Variants in NTM observed in about 807,000 individuals in gnomAD.
NTM encodes the protein IgLON family member 2.
NTM carries 13 observed loss-of-function variants against 42.1 expected under a neutral mutation model. The observed-to-expected ratio is 0.31, with a 90% CI of 0.20 to 0.49. The LOEUF is 0.49. NTM is among the 20% of genes least tolerant of loss of function. The probability of loss-of-function intolerance (pLI) is 0.99; values close to 1 mark genes in which losing one functional copy is unlikely to be tolerated. For missense variants in NTM, 373 were observed against 452.8 expected (o/e 0.82, Z 1.60); for synonymous variants, 187 against 179.2 (o/e 1.04, Z -0.35).
At position 132,003,705 on chromosome 11, in the gene NTM, G is replaced by A. The variant is rs545559230; in HGVS notation, c.167+92057G>A. ...GTAGCTCAATCACATGTCCCACATG[G>A]AGCCCACTCTTTCCCATGGTACAAA... On this transcript the variant is annotated intron_variant, in intron 2 of 8. Coordinates refer to ENST00000683400, the MANE Select transcript of NTM (RefSeq NM_001352005.2). This position sits in a 1 kb window ranked among gnomAD's most constrained non-coding sequence, Gnocchi z 6.0. Among the ~76,000 whole-genome samples the A allele has an allele frequency of 6.6e-6, 1 of 151,402 alleles. No individual in the cohort carries two copies. Among genetic ancestry groups the A allele is most frequent in the African/African-American group, 2.4e-5 (1 of 41,170 alleles).
chr11:131,481,721 T>A (rs967567835), intron 1 of NTM, among the ~76,000 whole-genome samples: 1 of 152,180 alleles, frequency 6.6e-6, no homozygotes, highest in Non-Finnish European at 1.5e-5. Flanking sequence ...GGCCTCCCCT[T>A]ACCATCACTA....
chr11:132,069,799 G>GT (rs1404632493), intron 2 of NTM, among the ~76,000 whole-genome samples: 1 of 138,334 alleles, frequency 7.2e-6, no homozygotes, highest in Non-Finnish European at 1.5e-5. Flanking sequence ...TAGTTAACAC[G>GT]TCACACAGCC....
At chr11:131,699,494 T>C (rs1247954019) in intron 1 of NTM, among the ~76,000 whole-genome samples, 1 of 152,150 alleles carries the variant, frequency 6.6e-6, no homozygotes, top group Non-Finnish European at 1.5e-5. Flanking sequence ...AGGACATTCA[T>C]ATAGAGCCTG....
At chr11:131,749,475 A>AT (rs1486644828) in intron 1 of NTM, among the ~76,000 whole-genome samples, 2 of 152,094 alleles carry the variant, frequency 1.3e-5, no homozygotes. Flanking sequence ...GCAAATCATT[A>AT]TTTTTCTTTT....
chr11:132,206,562 G>T (rs1156273090), intron 3 of NTM, among the ~76,000 whole-genome samples: 1 of 152,182 alleles, frequency 6.6e-6, no homozygotes, highest in Non-Finnish European at 1.5e-5. Flanking sequence ...TAAATGTGGA[G>T]AGCAAGACAC....
At position 131,401,820 on chromosome 11, in the gene NTM, A is replaced by ATATATGTG. The variant is rs1336974293; in HGVS notation, c.82+30937_82+30938insGTGTATAT. Among the ~76,000 whole-genome samples, 6 of 49,914 alleles carry ATATATGTG rather than the reference A, an allele frequency of 1.2e-4. No individual in the cohort carries two copies. The East Asian group carries it at 1.7e-3, about 14-fold the overall frequency. The allele number at this position is 49,914 out of a possible 152,430, so 32.7% of individuals were successfully genotyped here. On this transcript the variant is annotated intron_variant, in intron 1 of 8. Coordinates refer to ENST00000683400, the MANE Select transcript of NTM (RefSeq NM_001352005.2). Reference sequence around the variant, plus strand: ...TGGAAATATATATATATATATATATATATATATATATATATATATATATAT... The same window carrying ATATATGTG: ...TGGAAATATATATATATATATATATATATATGTGTATATATATATATATATATATATAT...
intron 1 of NTM, among the ~76,000 whole-genome samples, chr11:131,617,686 G>A (rs1040731982): frequency 1.3e-5 from 2 of 152,186 alleles, no homozygotes; most frequent in East Asian, 1.9e-4. Context: ...TGGCAATATA[G>A]GGGCTCGTGT....
intron 2 of NTM, among the ~76,000 whole-genome samples, chr11:131,995,405 G>A (rs929605405): frequency 6.6e-6 from 1 of 152,096 alleles, no homozygotes; most frequent in African/African-American, 2.4e-5. Context: ...GAAGGACCTG[G>A]AGGGATGGAA....
At chr11:131,760,925 T>C (rs1050176290) in intron 1 of NTM, among the ~76,000 whole-genome samples, 2 of 152,202 alleles carry the variant, frequency 1.3e-5, no homozygotes, top group Admixed American at 1.3e-4. Flanking sequence ...TCTTCCTTTC[T>C]GGGGCTCTAG....
At chr11:132,263,995 C>A (rs892856947) in intron 4 of NTM, among the ~76,000 whole-genome samples, 3 of 152,260 alleles carry the variant, frequency 2.0e-5, no homozygotes, top group African/African-American at 2.4e-5. Flanking sequence ...ACCAGAATTG[C>A]CTTTAGTAGT....
At chr11:131,486,454 C>T (rs1465417975) in intron 1 of NTM, among the ~76,000 whole-genome samples, 4 of 152,194 alleles carry the variant, frequency 2.6e-5, no homozygotes, top group African/African-American at 4.8e-5. Flanking sequence ...ATCTCCTTTC[C>T]CAGCAGTGAG....
chr11:132,183,718 T>G (rs556183405), intron 3 of NTM, among the ~76,000 whole-genome samples: 1 of 152,262 alleles, frequency 6.6e-6, no homozygotes, highest in East Asian at 1.9e-4. Context: ...CTCCAAAAAG[T>G]AAAGTGTGGA....
intron 2 of NTM, among the ~76,000 whole-genome samples, chr11:132,113,298 C>T (rs895678212): frequency 6.6e-6 from 1 of 152,150 alleles, no homozygotes; most frequent in African/African-American, 2.4e-5. Context: ...GAATCATATC[C>T]ACGGTTGTAA....
chr11:131,537,339 T>C (rs2052425045), intron 1 of NTM: 1 of 152,158 alleles, frequency 6.6e-6, no homozygotes, highest in Non-Finnish European at 1.5e-5. Flanking sequence ...GGCAGTAACA[T>C]AGACCTGACT....
At chr11:131,696,263 G>T (rs528242983) in intron 1 of NTM, among the ~76,000 whole-genome samples, 1 of 152,302 alleles carries the variant, frequency 6.6e-6, no homozygotes, top group East Asian at 1.9e-4. Flanking sequence ...CGCACCCGGG[G>T]AGGCCAGCAG....
chr11:131,578,592 T>C (rs899924775), intron 1 of NTM, among the ~76,000 whole-genome samples: 7 of 152,176 alleles, frequency 4.6e-5, no homozygotes, highest in Admixed American at 3.9e-4. Context: ...CCAGAGAGTA[T>C]GGCTTTTAAG....
At chr11:131,410,922 C>T (rs1423003530) in intron 1 of NTM, among the ~76,000 whole-genome samples, 2 of 152,064 alleles carry the variant, frequency 1.3e-5, no homozygotes, top group Non-Finnish European at 2.9e-5. Flanking sequence ...CCCAGGATGC[C>T]CCATTTTTCC....
At chr11:131,879,224 A>G (rs368876525) in intron 1 of NTM, among the ~76,000 whole-genome samples, 8 of 151,962 alleles carry the variant, frequency 5.3e-5, no homozygotes, top group African/African-American at 1.9e-4. Context: ...TCCACCTTTT[A>G]CTATGGCCCA....
intron 2 of NTM, chr11:131,984,485 A>G (rs1005923322): frequency 1.3e-5 from 2 of 152,134 alleles, no homozygotes; most frequent in African/African-American, 4.8e-5. Context: ...TTTCTTACCT[A>G]TTGTTAGTGG....
Sources: gnomAD v4.1 joint callset for allele counts (sites outside exome capture counted in the v4.1 genomes callset) on GRCh38, gnomAD v4.1.1 for gene constraint, Gnocchi (gnomAD v3.1) non-coding constraint, MANE v1.5 for transcripts, NCBI Gene and HGNC (gene_info 2026-07-23, HGNC 2026-07-21) for gene names.